The following GPC5 variants were observed in gnomAD, a reference collection of about 807,000 sequenced individuals.
The protein encoded by GPC5 is glypican 5, also known as glypican-5.
A neutral mutation model predicts 53.9 loss-of-function variants in GPC5; 47 were observed. That is an observed-to-expected ratio of 0.87 (90% CI 0.69 to 1.11). GPC5 has a LOEUF of 1.11. GPC5 is among the 50% of genes most tolerant of loss of function. The probability of loss-of-function intolerance (pLI) is 0.00; values close to 1 mark genes in which losing one functional copy is unlikely to be tolerated. For missense variants in GPC5, 748 were observed against 713.1 expected, an observed-to-expected ratio of 1.05 and a Z score of -0.56; for synonymous variants, 286 against 263.3, an observed-to-expected ratio of 1.09 and a Z score of -0.84.
intron 5 of GPC5, among the ~76,000 whole-genome samples, chr13:91,818,823 A>G (rs1241961203): frequency 2.0e-5 from 3 of 152,210 alleles, no homozygotes; most frequent in Admixed American, 1.3e-4. Context: ...TTAGAGACAA[A>G]GAGGACACAA....
chr13:92,787,332 A>C (rs1344120155), intron 7 of GPC5, among the ~76,000 whole-genome samples: 1 of 152,156 alleles, frequency 6.6e-6, no homozygotes, highest in Non-Finnish European at 1.5e-5. Context: ...TAAAAAGAAT[A>C]CTATATTATG....
At chr13:92,388,022 A>C (rs1398406978) in intron 7 of GPC5, among the ~76,000 whole-genome samples, 6 of 152,118 alleles carry the variant, frequency 3.9e-5, no homozygotes. Flanking sequence ...TGATGATTGT[A>C]GTATATTAAA....
At chr13:91,991,923 T>C (rs1462248403) in intron 6 of GPC5, among the ~76,000 whole-genome samples, 1 of 152,338 alleles carries the variant, frequency 6.6e-6, no homozygotes, top group African/African-American at 2.4e-5. Flanking sequence ...ATAAAAAATG[T>C]ATTATTGATT....
At chr13:91,854,666 A>T (rs1040995929) in intron 5 of GPC5, among the ~76,000 whole-genome samples, 1 of 151,818 alleles carries the variant, frequency 6.6e-6, no homozygotes, top group Admixed American at 6.6e-5. Flanking sequence ...AAAACAAGCA[A>T]GTACTCTCTC....
chr13:91,971,371 G>A (rs1022516684), intron 6 of GPC5, among the ~76,000 whole-genome samples: 76 of 151,566 alleles, frequency 5.0e-4, no homozygotes, highest in Non-Finnish European at 4.7e-4. Context: ...TTCTTTATTA[G>A]TCTTGCTAGC....
At chr13:92,825,460 G>C (rs565209393) in intron 7 of GPC5, among the ~76,000 whole-genome samples, 1 of 152,164 alleles carries the variant, frequency 6.6e-6, no homozygotes, top group African/African-American at 2.4e-5. Context: ...TTCCCATTAT[G>C]GTCACTTTCA....
intron 2 of GPC5, among the ~76,000 whole-genome samples, chr13:91,581,845 A>G (rs772098517): frequency 6.6e-5 from 10 of 152,038 alleles, no homozygotes; most frequent in Non-Finnish European, 8.8e-5. Context: ...ATGAGGGACT[A>G]TATATATAAA....
At chr13:92,516,065 C>T (rs908006514) in intron 7 of GPC5, among the ~76,000 whole-genome samples, 1 of 152,096 alleles carries the variant, frequency 6.6e-6, no homozygotes. Flanking sequence ...TTGCTGCTAG[C>T]TTATAGATCC....
At chr13:91,654,544 A>G (rs1265036130) in intron 2 of GPC5, among the ~76,000 whole-genome samples, 2 of 152,202 alleles carry the variant, frequency 1.3e-5, no homozygotes, top group Non-Finnish European at 2.9e-5. Context: ...ACACATACAT[A>G]TATACATGCA....
intron 2 of GPC5, among the ~76,000 whole-genome samples, chr13:91,681,257 G>A (rs573482360): frequency 6.6e-6 from 1 of 152,258 alleles, no homozygotes; most frequent in South Asian, 2.1e-4. Flanking sequence ...TCTGGCCTAG[G>A]ATGCAGAGGA....
At chr13:92,155,890 T>C (rs1007488865) in intron 7 of GPC5, among the ~76,000 whole-genome samples, 1 of 152,198 alleles carries the variant, frequency 6.6e-6, no homozygotes, top group African/African-American at 2.4e-5. Context: ...TTTTTGAACA[T>C]CTTGATTGTG....
chr13:91,893,250 T>C (rs1249453568), intron 5 of GPC5, among the ~76,000 whole-genome samples: 1 of 152,042 alleles, frequency 6.6e-6, no homozygotes, highest in Non-Finnish European at 1.5e-5. Flanking sequence ...GTCTGACCAG[T>C]AAACCATAGA....
rs745565068 is a variant in GPC5, at chr13:91,571,769, G to GTA, written c.326-121413_326-121412dup. On this transcript the variant is annotated intron_variant, in intron 2 of 7. Coordinates refer to ENST00000377067, the MANE Select transcript of GPC5 (RefSeq NM_004466.6). ...TATACACACATATACATGTGTATGTGTATATACACACACATATACGTGTGT... is the reference window on the plus strand; with the variant it reads ...TATACACACATATACATGTGTATGTGTATATATACACACACATATACGTGTGT... Among the ~76,000 whole-genome samples the GTA allele has an allele frequency of 2.8e-3, 317 of 114,352 alleles. 20 individuals are homozygous for GTA. The highest frequency in any genetic ancestry group is 6.1e-3 in the African/African-American group (170 of 28,050). 75.0% of individuals were successfully genotyped at this position (114,352 alleles called of 152,430 possible). A position where few individuals can be genotyped will look rare whatever the true frequency, so the allele number is the denominator to read the frequency against.
At chr13:91,650,750 G>GTTTTGTTTTTTTT (rs1555333961) in intron 2 of GPC5, among the ~76,000 whole-genome samples, 16 of 99,602 alleles carry the variant, frequency 1.6e-4, no homozygotes, top group African/African-American at 5.7e-4. Context: ...ATTCCCATAA[G>GTTTTGTTTTTTTT]TTTTTTTTTT....
At chr13:92,675,462 T>C (rs771010351) in intron 7 of GPC5, among the ~76,000 whole-genome samples, 1 of 152,122 alleles carries the variant, frequency 6.6e-6, no homozygotes, top group African/African-American at 2.4e-5. Flanking sequence ...CCGTTTGACA[T>C]TGGTCTTGTA....
intron 7 of GPC5, among the ~76,000 whole-genome samples, chr13:92,360,145 G>A (rs894942449): frequency 6.6e-6 from 1 of 151,612 alleles, no homozygotes; most frequent in African/African-American, 2.4e-5. Context: ...CAAAGAATTT[G>A]TCATGAATTA....
intron 6 of GPC5, among the ~76,000 whole-genome samples, chr13:92,093,067 A>T (rs1259030522): frequency 6.6e-6 from 1 of 152,228 alleles, no homozygotes; most frequent in African/African-American, 2.4e-5. Flanking sequence ...CAAAAGGCTC[A>T]GAAACCCCAT....
At chr13:91,569,626 T>C (rs2031692123) in intron 2 of GPC5, among the ~76,000 whole-genome samples, 1 of 152,190 alleles carries the variant, frequency 6.6e-6, no homozygotes, top group Admixed American at 6.6e-5. Flanking sequence ...ATAATTTGAA[T>C]GATGGCATCC....
At chr13:91,683,100 C>A (rs1224126813) in intron 2 of GPC5, among the ~76,000 whole-genome samples, 3 of 151,748 alleles carry the variant, frequency 2.0e-5, no homozygotes, top group Non-Finnish European at 1.5e-5. Flanking sequence ...GGTGATTATC[C>A]TGAATTATCT....
Sources: allele counts gnomAD v4.1 joint callset (sites outside exome capture counted in the v4.1 genomes callset), GRCh38; gene constraint gnomAD v4.1.1; transcripts MANE v1.5; gene names NCBI Gene and HGNC (gene_info 2026-07-23, HGNC 2026-07-21).